The following PTPRD variants were observed in gnomAD, a reference collection of about 807,000 sequenced individuals.
PTPRD encodes the protein protein tyrosine phosphatase receptor type D.
A neutral mutation model predicts 214.5 loss-of-function variants in PTPRD; 34 were observed. The observed-to-expected ratio is 0.16, with a 90% CI of 0.12 to 0.21. The LOEUF is 0.21. Ranked by LOEUF, PTPRD falls within the 10% of genes least tolerant of loss-of-function variation. The probability of loss-of-function intolerance (pLI) is 1.00; values close to 1 mark genes in which losing one functional copy is unlikely to be tolerated. For missense variants in PTPRD, 2,545 were observed against 2,398.7 expected (o/e 1.06, Z -1.27); for synonymous variants, 1,128 against 845.7 (o/e 1.33, Z -5.79).
intron 8 of PTPRD, among the ~76,000 whole-genome samples, chr9:9,435,143 A>G (rs1167593418): frequency 1.3e-5 from 2 of 151,942 alleles, no homozygotes; most frequent in Non-Finnish European, 2.9e-5. Context: ...TATTATCATT[A>G]TTTTTTGATC....
At chr9:8,949,454 C>G (rs1588684761) in intron 11 of PTPRD, among the ~76,000 whole-genome samples, 1 of 151,918 alleles carries the variant, frequency 6.6e-6, no homozygotes, top group East Asian at 1.9e-4. Flanking sequence ...GTAGGAAAAA[C>G]AGTAAAAATG....
chr9:9,487,089 T>C (rs971580597), intron 8 of PTPRD, among the ~76,000 whole-genome samples: 2 of 152,186 alleles, frequency 1.3e-5, no homozygotes, highest in Non-Finnish European at 2.9e-5. Context: ...CTTTAAGTTT[T>C]AGGGTACATT....
At chr9:8,983,633 A>G (rs1294048613) in intron 11 of PTPRD, among the ~76,000 whole-genome samples, 1 of 151,682 alleles carries the variant, frequency 6.6e-6, no homozygotes, top group South Asian at 2.1e-4. Flanking sequence ...CTCAGCCTCC[A>G]GGGAAGCTAG....
At chr9:9,291,424 C>T (rs1951094875) in intron 9 of PTPRD, among the ~76,000 whole-genome samples, 1 of 151,420 alleles carries the variant, frequency 6.6e-6, no homozygotes, top group South Asian at 2.1e-4. Context: ...GTGCAAATAA[C>T]TTTGTTCCTT....
chr9:10,166,999 G>C (rs1291183849), intron 3 of PTPRD, among the ~76,000 whole-genome samples: 2 of 151,986 alleles, frequency 1.3e-5, no homozygotes, highest in Admixed American at 6.6e-5. Context: ...GGAATTGATG[G>C]TTAAAACAAA....
intron 3 of PTPRD, among the ~76,000 whole-genome samples, chr9:10,325,899 T>A (rs1268837586): frequency 6.6e-6 from 1 of 151,794 alleles, no homozygotes; most frequent in Non-Finnish European, 1.5e-5. Flanking sequence ...CTGACAAAAG[T>A]GAATACAAAA....
At chr9:9,310,189 G>T (rs1366584311) in intron 9 of PTPRD, among the ~76,000 whole-genome samples, 1 of 152,168 alleles carries the variant, frequency 6.6e-6, no homozygotes, top group Non-Finnish European at 1.5e-5. Context: ...TGTTTGTGAA[G>T]TGTGGCTTGG....
rs80210998 is a variant in PTPRD at position 9,698,953 on chromosome 9, C to T, written c.-287+35580G>A. The stretch of plus-strand genomic sequence containing the variant: ...AAATGGTGATATATTGCTAGAAGTT[C>T]GGTAATTCACTGTTCCTTGTGTCTA... On this transcript the variant is annotated intron_variant, in intron 7 of 45. Coordinates refer to ENST00000381196, the MANE Select transcript of PTPRD (RefSeq NM_002839.4). Among the ~76,000 whole-genome samples, 458 of 152,202 alleles carry T rather than the reference C, an allele frequency of 3.0e-3. 7 individuals are homozygous for T. The highest frequency in any genetic ancestry group is 4.3e-3 in the East Asian group (22 of 5,174).
intron 7 of PTPRD, among the ~76,000 whole-genome samples, chr9:9,577,031 G>A (rs958824300): frequency 2.6e-5 from 4 of 152,030 alleles, no homozygotes; most frequent in Admixed American, 6.6e-5. Flanking sequence ...TACTGACGTT[G>A]TTACACTGAT....
At chr9:8,742,762 G>C (rs894723126) in intron 11 of PTPRD, among the ~76,000 whole-genome samples, 1 of 152,056 alleles carries the variant, frequency 6.6e-6, no homozygotes. Flanking sequence ...TTTTTAAATA[G>C]TTCATTATGA....
chr9:10,588,797 G>T (rs1414876873), intron 2 of PTPRD, among the ~76,000 whole-genome samples: 1 of 151,712 alleles, frequency 6.6e-6, no homozygotes, highest in East Asian at 1.9e-4. Flanking sequence ...AGTCTCTCTG[G>T]CCCCCTATTT....
chr9:8,795,183 T>G (rs905207463), intron 11 of PTPRD, among the ~76,000 whole-genome samples: 1 of 152,032 alleles, frequency 6.6e-6, no homozygotes, highest in African/African-American at 2.4e-5. Flanking sequence ...AAATTTTTTT[T>G]GAGATGAGTC....
Position 9,932,190 on chromosome 9 carries a change from G to A in PTPRD, c.-368+6317C>T, listed in dbSNP as rs555339070. Among the ~76,000 whole-genome samples the A allele has an allele frequency of 3.7e-4, 56 of 150,960 alleles. 1 individual carries two copies. Among genetic ancestry groups the A allele is most frequent in the African/African-American group, 7.7e-4 (31 of 40,242 alleles). On this transcript the variant is annotated intron_variant, in intron 5 of 45. Coordinates refer to ENST00000381196, the MANE Select transcript of PTPRD (RefSeq NM_002839.4). ...AGTGCCTCTCCTCCTCCAAAGGAAC[G>A]CAGTTCCTCACCAGCAAAAGAACAA...
At chr9:10,285,696 C>T (rs7860452) in intron 3 of PTPRD, among the ~76,000 whole-genome samples, 24,812 of 149,010 alleles carry the variant, frequency 0.17, 2,095 homozygotes, top group South Asian at 0.27. Flanking sequence ...CTGCAAGCTC[C>T]GCCTCCCAGG....
chr9:9,871,445 G>A (rs1467225011), intron 5 of PTPRD, among the ~76,000 whole-genome samples: 1 of 152,164 alleles, frequency 6.6e-6, no homozygotes, highest in Non-Finnish European at 1.5e-5. Context: ...TATCCTCTCT[G>A]GTTTAGTATA....
chr9:9,486,769 G>T lies in PTPRD; in HGVS notation c.-237+87963C>A, dbSNP rs1047985808. 3.3e-5 allele frequency among the ~76,000 whole-genome samples: 5 copies of T among 152,054 alleles called. No homozygotes were observed. In the East Asian group the frequency reaches 5.8e-4, roughly 18 times the overall value. ...AATCTAGGATACACACCCTCCAAAA[G>T]CTCTCTTGAAATGTAGTATTTCCCC... On this transcript the variant is annotated intron_variant, in intron 8 of 45. Coordinates refer to ENST00000381196, the MANE Select transcript of PTPRD (RefSeq NM_002839.4).
chr9:9,838,383 C>T (rs562867644), intron 5 of PTPRD, among the ~76,000 whole-genome samples: 5 of 151,964 alleles, frequency 3.3e-5, no homozygotes, highest in Non-Finnish European at 7.4e-5. Flanking sequence ...ACAGTCCCAC[C>T]AACAGTGTAA....
intron 10 of PTPRD, among the ~76,000 whole-genome samples, chr9:9,085,957 C>G (rs1431233615): frequency 1.3e-5 from 2 of 152,102 alleles, no homozygotes; most frequent in South Asian, 2.1e-4. Flanking sequence ...GTTTTGCTTT[C>G]TCCACCAGTG....
chr9:10,195,802 T>C (rs13288126), intron 3 of PTPRD, among the ~76,000 whole-genome samples: 1 of 152,192 alleles, frequency 6.6e-6, no homozygotes, highest in East Asian at 1.9e-4. Flanking sequence ...CTAGATTCCA[T>C]ACAAGATTCT....
Sources: allele counts gnomAD v4.1 joint callset (sites outside exome capture counted in the v4.1 genomes callset), GRCh38; gene constraint gnomAD v4.1.1; transcripts MANE v1.5; gene names NCBI Gene and HGNC (gene_info 2026-07-23, HGNC 2026-07-21).